RABGAP1L: variants seen among roughly 807,000 people sequenced by gnomAD.
RABGAP1L encodes RAB GTPase activating protein 1 like.
A neutral mutation model predicts 137.7 loss-of-function variants in RABGAP1L; 63 were observed. The ratio of observed to expected loss-of-function variants is 0.46; its 90% CI spans 0.37 to 0.56. The LOEUF is 0.56. RABGAP1L is among the 20% of genes least tolerant of loss of function. RABGAP1L has a pLI of 0.00. For synonymous variants in RABGAP1L, 431 were observed against 433.7 expected, an observed-to-expected ratio of 0.99 and a Z score of 0.08; for missense variants, 1,095 against 1,244.0, an observed-to-expected ratio of 0.88 and a Z score of 1.80.
chr1:174,658,524 T>C (rs1676135089), intron 14 of RABGAP1L, among the ~76,000 whole-genome samples: 1 of 152,146 alleles, frequency 6.6e-6, no homozygotes, highest in South Asian at 2.1e-4. Flanking sequence ...ATATATCCAA[T>C]CTCTCATTAC....
chr1:174,734,467 T>A (rs1682766716), intron 17 of RABGAP1L, among the ~76,000 whole-genome samples: 1 of 152,062 alleles, frequency 6.6e-6, no homozygotes, highest in Non-Finnish European at 1.5e-5. Context: ...TGAAATGAGA[T>A]GCCTGTTCTA....
chr1:174,449,917 C>T (rs1045001749), intron 13 of RABGAP1L, among the ~76,000 whole-genome samples: 14 of 152,066 alleles, frequency 9.2e-5, no homozygotes, highest in African/African-American at 2.7e-4. Context: ...TCTTGATCTG[C>T]ATCCATTGGT....
At chr1:174,583,447 AT>A (rs1668886748) in intron 13 of RABGAP1L, among the ~76,000 whole-genome samples, 1 of 152,140 alleles carries the variant, frequency 6.6e-6, no homozygotes, top group African/African-American at 2.4e-5. Context: ...ACATATATGT[AT>A]GTTTGCCTGT....
At chr1:174,841,294 T>G (rs2148947161) in intron 19 of RABGAP1L, among the ~76,000 whole-genome samples, 1 of 152,252 alleles carries the variant, frequency 6.6e-6, no homozygotes, top group East Asian at 1.9e-4. Context: ...GTGATCTCAT[T>G]GCAATAAAAG....
intron 13 of RABGAP1L, among the ~76,000 whole-genome samples, chr1:174,451,387 T>C (rs1406507352): frequency 6.6e-6 from 1 of 152,230 alleles, no homozygotes; most frequent in Non-Finnish European, 1.5e-5. Flanking sequence ...CATTTTCCCC[T>C]TCTGGCTTTT....
At chr1:174,626,030 G>T (rs1672918795) in intron 13 of RABGAP1L, among the ~76,000 whole-genome samples, 1 of 152,188 alleles carries the variant, frequency 6.6e-6, no homozygotes, top group Non-Finnish European at 1.5e-5. Flanking sequence ...GAAAGTAACA[G>T]CATGGATTTC....
intron 20 of RABGAP1L, among the ~76,000 whole-genome samples, chr1:174,968,705 G>A (rs1669873294): frequency 6.6e-6 from 1 of 152,086 alleles, no homozygotes; most frequent in Admixed American, 6.6e-5. Context: ...AAAAATAGGT[G>A]TTCAGAAAAG....
intron 20 of RABGAP1L, among the ~76,000 whole-genome samples, chr1:174,968,277 C>T (rs1669819370): frequency 6.6e-6 from 1 of 152,188 alleles, no homozygotes; most frequent in African/African-American, 2.4e-5. Flanking sequence ...GCAGAAAACA[C>T]TGTTAGACGT....
At chr1:174,972,415 A>T (rs559421944) in intron 21 of RABGAP1L, among the ~76,000 whole-genome samples, 1 of 152,382 alleles carries the variant, frequency 6.6e-6, no homozygotes, top group East Asian at 1.9e-4. Flanking sequence ...TCATGATTAA[A>T]TCACACATTG....
chr1:174,903,884 A>G (rs1658557941), intron 19 of RABGAP1L, among the ~76,000 whole-genome samples: 1 of 148,948 alleles, frequency 6.7e-6, no homozygotes, highest in African/African-American at 2.5e-5. Flanking sequence ...CGTGAGGTGG[A>G]GGTTTTGGTG....
intron 18 of RABGAP1L, among the ~76,000 whole-genome samples, chr1:174,764,447 C>A (rs1159643623): frequency 1.3e-5 from 2 of 152,144 alleles, no homozygotes; most frequent in African/African-American, 2.4e-5. Flanking sequence ...TGTTGTAAGG[C>A]CTAAAATTAA....
intron 19 of RABGAP1L, among the ~76,000 whole-genome samples, chr1:174,940,586 TTTTC>T (rs1204662432): frequency 2.0e-5 from 3 of 152,164 alleles, no homozygotes; most frequent in African/African-American, 7.2e-5. Flanking sequence ...CCCTTTCTTC[TTTTC>T]TTTATCTTCC....
At chr1:174,633,623 A>T (rs1227176302) in intron 13 of RABGAP1L, among the ~76,000 whole-genome samples, 1 of 116,704 alleles carries the variant, frequency 8.6e-6, no homozygotes, top group Non-Finnish European at 1.6e-5. Flanking sequence ...ACACTACCTG[A>T]CTTCAAACTA....
intron 19 of RABGAP1L, among the ~76,000 whole-genome samples, chr1:174,933,171 C>T (rs1430555367): frequency 2.6e-5 from 4 of 152,080 alleles, no homozygotes; most frequent in African/African-American, 9.7e-5. Flanking sequence ...TATGCATTTG[C>T]ACCTGTATTT....
At chr1:174,619,523 C>CA (rs1449534623) in intron 13 of RABGAP1L, among the ~76,000 whole-genome samples, 2 of 152,198 alleles carry the variant, frequency 1.3e-5, no homozygotes, top group African/African-American at 4.8e-5. Flanking sequence ...CCCAGAATTT[C>CA]ATATCCAGCC....
chr1:174,710,494 C>A (rs559986924), intron 17 of RABGAP1L, among the ~76,000 whole-genome samples: 1 of 152,322 alleles, frequency 6.6e-6, no homozygotes, highest in South Asian at 2.1e-4. Context: ...AGAAACCCTG[C>A]AAGCTAGAAG....
intron 18 of RABGAP1L, among the ~76,000 whole-genome samples, chr1:174,790,318 A>C (rs1193384909): frequency 6.6e-6 from 1 of 152,158 alleles, no homozygotes; most frequent in East Asian, 1.9e-4. Flanking sequence ...CATTAGATAA[A>C]GATAGTAAGA....
chr1:174,764,009 A>G (rs1415170255), intron 18 of RABGAP1L, among the ~76,000 whole-genome samples: 3 of 152,144 alleles, frequency 2.0e-5, no homozygotes, highest in Non-Finnish European at 4.4e-5. Flanking sequence ...TCTGTTTTCT[A>G]TCTCTGTAGA....
chr1:174,987,628 T>C (rs1671708206), intron 24 of RABGAP1L, among the ~76,000 whole-genome samples: 1 of 152,138 alleles, frequency 6.6e-6, no homozygotes, highest in Non-Finnish European at 1.5e-5. Context: ...ATGGGCACGG[T>C]GATGGACACA....
Sources: allele counts gnomAD v4.1 joint callset (sites outside exome capture counted in the v4.1 genomes callset), GRCh38; gene constraint gnomAD v4.1.1; transcripts MANE v1.5; gene names NCBI Gene and HGNC (gene_info 2026-07-23, HGNC 2026-07-21).